Variants in EXOSC9 observed in about 807,000 individuals in gnomAD.
The protein encoded by EXOSC9 is exosome component 9, also known as exosome complex component RRP45.
A neutral mutation model predicts 56.5 loss-of-function variants in EXOSC9; 38 were observed. The observed-to-expected ratio is 0.67, with a 90% confidence interval of 0.52 to 0.88. The LOEUF (loss-of-function observed/expected upper bound fraction) is 0.88. Ranked by LOEUF, EXOSC9 falls within the 40% of genes least tolerant of loss-of-function variation. EXOSC9 has a pLI of 0.00. For missense variants in EXOSC9, 559 were observed against 530.5 expected (o/e 1.05, Z -0.53); for synonymous variants, 170 against 170.8 (o/e 0.99, Z 0.04).
At chr4:121,813,481 A>C (rs1445718432) in intron 9 of EXOSC9, 101 bp downstream of exon 9, 9 of 1,020,160 alleles carry the variant, frequency 8.8e-6, no homozygotes, top group Non-Finnish European at 1.3e-5. Flanking sequence ...TAGTTTTTGT[A>C]AACACTGTAC....
chr4:121,801,558 C>A, intron 1 of EXOSC9, 68 bp downstream of exon 1: 1 of 1,433,280 alleles, frequency 7.0e-7, no homozygotes, highest in Non-Finnish European at 9.8e-7. Flanking sequence ...GGACTGATAC[C>A]TGGCCCGCCT....
At chr4:121,810,838 G>A (rs1727191188) in intron 7 of EXOSC9, among the ~76,000 whole-genome samples, 1 of 152,102 alleles carries the variant, frequency 6.6e-6, no homozygotes, top group African/African-American at 2.4e-5. Context: ...ATTCCAGCCT[G>A]GGCTACGGAA....
rs772507554 is a variant in EXOSC9, at chr4:121,816,799, A to G, written c.1263A>G (p.Glu421=). 1 of 1,602,416 alleles carries G rather than the reference A, an allele frequency of 6.2e-7. No individual in the cohort carries two copies. Among genetic ancestry groups the G allele is most frequent in the Non-Finnish European group, 8.5e-7 (1 of 1,174,140 alleles). ...IRTQTTSAKQ[E]KAPSKKPVKR... ...CACAGACCACCAGTGCAAAACAAGAAAAAGCACCAAGTAAAAAGCCAGTGA... is the reference window on the plus strand; with the variant it reads ...CACAGACCACCAGTGCAAAACAAGAGAAAGCACCAAGTAAAAAGCCAGTGA... The change falls in exon 12 of 12, where the codon GAA becomes GAG. Residue 421 remains glutamate, a synonymous_variant. Coordinates refer to ENST00000243498, the MANE Select transcript of EXOSC9 (RefSeq NM_005033.3).
Position 121,802,751 on chromosome 4 carries a change from T to A in EXOSC9, c.239T>A (p.Leu80His). 1 of 1,614,150 alleles carries A rather than the reference T, an allele frequency of 6.2e-7. No homozygotes were observed. Among genetic ancestry groups the A allele is most frequent in the Non-Finnish European group, 8.5e-7 (1 of 1,179,996 alleles). ...ACAGAAGGTATTCTTTTTTTTAACC[T>A]TGAACTCTCTCAGATGGCCGCTCCA... Reference protein sequence around the residue: ...RATEGILFFNLELSQMAAPAF... With the variant: ...RATEGILFFNHELSQMAAPAF... Residue 80 changes from leucine (L) to histidine (H), a missense_variant, in exon 3 of 12, where the codon CTT (leucine) becomes CAT (histidine). Coordinates refer to ENST00000243498, the MANE Select transcript of EXOSC9 (RefSeq NM_005033.3).
intron 8 of EXOSC9, 88 bp downstream of exon 8, chr4:121,811,759 G>A (rs903153949): frequency 1.1e-5 from 6 of 536,524 alleles, no homozygotes; most frequent in Non-Finnish European, 1.9e-5. Flanking sequence ...GCTTTATTAT[G>A]CATGAACTTG....
chr4:121,807,146 C>G (rs1201970443), intron 5 of EXOSC9, among the ~76,000 whole-genome samples: 2 of 151,898 alleles, frequency 1.3e-5, no homozygotes, highest in African/African-American at 4.8e-5. Context: ...CAAAATTAGC[C>G]GGGCGTGGTG....
At chr4:121,802,088 T>C (rs1212614951) in intron 2 of EXOSC9, among the ~76,000 whole-genome samples, 167 bp downstream of exon 2, 1 of 152,254 alleles carries the variant, frequency 6.6e-6, no homozygotes, top group Non-Finnish European at 1.5e-5. Context: ...GTGGTCACAC[T>C]TGAACTTTTT....
chr4:121,816,531 C>A, intron 11 of EXOSC9, 84 bp downstream of exon 11: 2 of 931,686 alleles, frequency 2.1e-6, no homozygotes, highest in Non-Finnish European at 3.2e-6. Context: ...TCTCATCTTG[C>A]CACATGACTA....
At chr4:121,815,680 G>A (rs781079896) in intron 10 of EXOSC9, 1 of 985,716 alleles carries the variant, frequency 1.0e-6, no homozygotes, top group Non-Finnish European at 1.2e-6. Flanking sequence ...ATTTTGGGCA[G>A]TATTAAAAAC....
At chr4:121,804,867 C>T (rs1197754581) in intron 5 of EXOSC9, 108 bp downstream of exon 5, 6 of 925,662 alleles carry the variant, frequency 6.5e-6, no homozygotes, top group Non-Finnish European at 9.2e-6. Context: ...GCAATTGGGT[C>T]GTTTCTAAAA....
At chr4:121,807,670 T>A in intron 6 of EXOSC9, 48 bp downstream of exon 6, 1 of 1,098,162 alleles carries the variant, frequency 9.1e-7, no homozygotes, top group South Asian at 1.2e-5. Context: ...CAGCTAGGAA[T>A]TTTATTGCTC....
intron 6 of EXOSC9, chr4:121,807,846 T>C (rs111439376): frequency 3.5e-6 from 2 of 575,384 alleles, no homozygotes; most frequent in African/African-American, 3.7e-5. Flanking sequence ...ATTTTTCTTT[T>C]CATGGGATAC....
chr4:121,801,703 T>C, intron 1 of EXOSC9, 124 bp from the exon 2 acceptor site: 2 of 871,460 alleles, frequency 2.3e-6, no homozygotes, highest in South Asian at 2.9e-5. Context: ...TCCACTTTCC[T>C]GTATGGGCGG....
At chr4:121,808,512 A>C (rs1417335485) in intron 6 of EXOSC9, among the ~76,000 whole-genome samples, 2 of 152,044 alleles carry the variant, frequency 1.3e-5, no homozygotes, top group Non-Finnish European at 2.9e-5. Flanking sequence ...GGCATGCACC[A>C]CCATGCCTAG....
rs1327782621 is a variant in EXOSC9 at position 121,816,452 on chromosome 4, C to A, written c.1235+5C>A. The A allele has an allele frequency of 6.5e-7, 1 of 1,539,482 alleles. No homozygotes were observed. The highest frequency in any genetic ancestry group is 8.8e-7 in the Non-Finnish European group (1 of 1,136,960). On this transcript the variant is annotated splice_donor_5th_base_variant and intron_variant, in intron 11 of 11. Coordinates refer to ENST00000243498, the MANE Select transcript of EXOSC9 (RefSeq NM_005033.3). ...CAAGAATCCAAAGAAAATAAGGTAACAAATTTCTGGTTTATTTCAAATGTA... is the reference window on the plus strand; with the variant it reads ...CAAGAATCCAAAGAAAATAAGGTAAAAAATTTCTGGTTTATTTCAAATGTA...
chr4:121,803,353 C>G (rs1171272478), intron 4 of EXOSC9, among the ~76,000 whole-genome samples: 1 of 151,924 alleles, frequency 6.6e-6, no homozygotes, highest in Non-Finnish European at 1.5e-5. Context: ...CTCTCATTTT[C>G]TACATGAGTT....
chr4:121,801,626 A>G (rs1726867277), intron 1 of EXOSC9, 136 bp downstream of exon 1: 3 of 886,182 alleles, frequency 3.4e-6, no homozygotes, highest in African/African-American at 3.4e-5. Flanking sequence ...CTCAGGCTTT[A>G]TTTATTTTTT....
chr4:121,815,843 A>G (rs1724476737), intron 10 of EXOSC9: 4 of 1,087,892 alleles, frequency 3.7e-6, no homozygotes, highest in African/African-American at 1.6e-5. Context: ...CTATTATGAC[A>G]TGTACCAAAT....
intron 6 of EXOSC9, 64 bp from the exon 7 acceptor site, chr4:121,809,903 T>C (rs1727158570): frequency 6.3e-7 from 1 of 1,590,702 alleles, no homozygotes; most frequent in Admixed American, 1.7e-5. Flanking sequence ...TAAAAATTCA[T>C]TACCCAAGAA....
Sources: gnomAD v4.1 joint callset for allele counts (sites outside exome capture counted in the v4.1 genomes callset) on GRCh38, gnomAD v4.1.1 for gene constraint, MANE v1.5 for transcripts, NCBI Gene and HGNC (gene_info 2026-07-23, HGNC 2026-07-21) for gene names.